The following CD164 variants were observed in gnomAD, a reference collection of about 807,000 sequenced individuals.
The protein encoded by CD164 is CD164 molecule.
Under a neutral mutation model 24.6 loss-of-function variants are expected in CD164, and 11 were observed. That is an observed-to-expected ratio of 0.45 (90% CI 0.28 to 0.74). The LOEUF (loss-of-function observed/expected upper bound fraction) is 0.74, where lower values mean the gene tolerates loss of function less well. Ranked by LOEUF, CD164 falls within the 30% of genes least tolerant of loss-of-function variation. The pLI is 0.13. For synonymous variants in CD164, 126 were observed against 100.3 expected (o/e 1.26, Z -1.53); for missense variants, 295 against 243.7 (o/e 1.21, Z -1.40).
At chr6:109,370,270 C>A in intron 5 of CD164, 141 bp downstream of exon 5, 1 of 663,896 alleles carries the variant, frequency 1.5e-6, no homozygotes, top group South Asian at 1.8e-5. Flanking sequence ...AAAGCACTAC[C>A]TTGATCCCCC....
Position 109,382,436 on chromosome 6 carries a change from C to A in CD164, c.-58G>T. ...TAAGGCTCGCAACGCTCAGTCAACC[C>A]CTCAATCCCCTGCGGCGCCGCCTCC... On this transcript the variant is annotated 5_prime_UTR_variant, in exon 1 of 6. Coordinates refer to ENST00000310786, the MANE Select transcript of CD164 (RefSeq NM_006016.6). 3 of 1,399,620 alleles carry A rather than the reference C, an allele frequency of 2.1e-6. No homozygotes were observed. Among genetic ancestry groups the A allele is most frequent in the Non-Finnish European group, 2.8e-6 (3 of 1,064,430 alleles). The allele number at this position is 1,399,620 out of a possible 1,614,324, so 86.7% of individuals were successfully genotyped here.
At position 109,376,065 on chromosome 6, in the gene CD164, T is replaced by C. The variant is rs1022575756; in HGVS notation, c.370+9A>G. 1.9e-6 allele frequency: 3 copies of C among 1,566,168 alleles called. No homozygotes were observed. Among genetic ancestry groups the C allele is most frequent in the Non-Finnish European group, 2.6e-6 (3 of 1,165,650 alleles). ...AAGGAAAAGGAAGAAAACAGTCATC[T>C]TGAATTACCTGTAGAATTGGCTGTT... On this transcript the variant is annotated intron_variant, in intron 4 of 5. Coordinates refer to ENST00000310786, the MANE Select transcript of CD164 (RefSeq NM_006016.6).
intron 3 of CD164, 69 bp from the exon 4 acceptor site, chr6:109,376,181 T>C (rs947907257): frequency 1.7e-5 from 19 of 1,107,788 alleles, no homozygotes; most frequent in Non-Finnish European, 2.4e-5. Context: ...TCTATAACGC[T>C]AGTTCCTGAC....
intron 2 of CD164, 38 bp downstream of exon 2, chr6:109,379,541 C>T: frequency 1.4e-6 from 2 of 1,384,426 alleles, no homozygotes; most frequent in Non-Finnish European, 2.0e-6. Flanking sequence ...TTTTAAAATG[C>T]TATAACAAAA....
At position 109,382,258 on chromosome 6, in the gene CD164, T is replaced by G; in HGVS notation, c.121A>C (p.Asn41His). 2 of 1,589,320 alleles carry G rather than the reference T, an allele frequency of 1.3e-6. No individual in the cohort carries two copies. Among genetic ancestry groups the G allele is most frequent in the Non-Finnish European group, 1.7e-6 (2 of 1,170,596 alleles). ...PNVTTLAPIS[N>H]VTSAPVTSLP... is the part of the protein sequence containing the mutation. Reference sequence around the variant, plus strand: ...GACGTCACCGGCGCCGAGGTTACGTTGGAGATGGGCGCTAAAGTCGTCACG... The same window carrying G: ...GACGTCACCGGCGCCGAGGTTACGTGGGAGATGGGCGCTAAAGTCGTCACG... The change falls in exon 1 of 6, where the codon AAC becomes CAC. Residue 41 changes from asparagine to histidine, a missense_variant. Transcript: ENST00000310786.
At chr6:109,378,029 TTGACTC>T in intron 2 of CD164, 58 bp from the exon 3 acceptor site, 2 of 1,362,782 alleles carry the variant, frequency 1.5e-6, no homozygotes, top group Non-Finnish European at 2.1e-6. Flanking sequence ...TGTATTATCT[TTGACTC>T]TGCTACTAAG....
Position 109,382,419 on chromosome 6 carries a change from G to C in CD164, c.-41C>G, listed in dbSNP as rs190842782. The C allele has an allele frequency of 1.5e-3, 2,154 of 1,467,738 alleles. 64 individuals are homozygous for C. In the East Asian group the frequency reaches 0.045, roughly 31 times the overall value. The allele number at this position is 1,467,738 out of a possible 1,614,324, so 90.9% of individuals were successfully genotyped here. A position where few individuals can be genotyped will look rare whatever the true frequency, so the allele number is the denominator to read the frequency against. ...GGCGTTCGGGAGAAAGCTAAGGCTCGCAACGCTCAGTCAACCCCTCAATCC... is the reference window on the plus strand; with the variant it reads ...GGCGTTCGGGAGAAAGCTAAGGCTCCCAACGCTCAGTCAACCCCTCAATCC... On this transcript the variant is annotated 5_prime_UTR_variant, in exon 1 of 6. Coordinates refer to ENST00000310786, the MANE Select transcript of CD164 (RefSeq NM_006016.6).
Position 109,374,339 on chromosome 6 carries a change from T to C in CD164, c.370+1735A>G, listed in dbSNP as rs558381455. 2.4e-3 allele frequency among the ~76,000 whole-genome samples: 371 copies of C among 152,258 alleles called. 2 individuals carry two copies. Among genetic ancestry groups the C allele is most frequent in the Non-Finnish European group, 4.2e-3 (284 of 68,012 alleles). ...CCCAAATGACAGGCCCAACCATCAA[T>C]AGACTGCTCTTCCTCTTTCTTGCTT... On this transcript the variant is annotated intron_variant, in intron 4 of 5. Coordinates refer to ENST00000310786, the MANE Select transcript of CD164 (RefSeq NM_006016.6).
intron 3 of CD164, among the ~76,000 whole-genome samples, chr6:109,377,645 A>T (rs1582485128): frequency 4.5e-5 from 2 of 44,692 alleles, no homozygotes; most frequent in East Asian, 6.4e-4. Flanking sequence ...AGAAAAGTTT[A>T]AAAAAAAAAA....
At position 109,379,681 on chromosome 6, in the gene CD164, A is replaced by T. The variant is rs761484272; in HGVS notation, c.176-19T>A. 4 of 1,575,578 alleles carry T rather than the reference A, an allele frequency of 2.5e-6. No homozygotes were observed. On this transcript the variant is annotated intron_variant, in intron 1 of 5. Coordinates refer to ENST00000310786, the MANE Select transcript of CD164 (RefSeq NM_006016.6). ...CAGGTTTCTGGGGAGTTGGGGGGAGAGATGCATGAAATCAATGATTTTATT... is the reference window on the plus strand; with the variant it reads ...CAGGTTTCTGGGGAGTTGGGGGGAGTGATGCATGAAATCAATGATTTTATT...
At chr6:109,375,924 T>C (rs539670580) in intron 4 of CD164, 150 bp downstream of exon 4, 9 of 613,844 alleles carry the variant, frequency 1.5e-5, no homozygotes, top group Non-Finnish European at 2.5e-5. Context: ...AAGGTAGAGA[T>C]TAACGTTAAT....
chr6:109,368,338 AAAC>A lies in CD164; in HGVS notation c.*510_*512del, dbSNP rs1770884824. 1.3e-6 allele frequency: 2 copies of A among 1,537,266 alleles called. No homozygotes were observed. Among genetic ancestry groups the A allele is most frequent in the African/African-American group, 2.8e-5 (2 of 72,484 alleles). On this transcript the variant is annotated 3_prime_UTR_variant, in exon 6 of 6. Coordinates refer to ENST00000310786, the MANE Select transcript of CD164 (RefSeq NM_006016.6). ...TGGCATCTTATTTCTAATGTAGAAA[AAAC>A]AGCTGTTATCAAGCACAAAATTTTA...
intron 1 of CD164, chr6:109,381,662 C>T (rs1771755493): frequency 2.9e-6 from 2 of 691,426 alleles, no homozygotes; most frequent in East Asian, 2.7e-5. Context: ...GTAATTAAAT[C>T]TCAAGCGACC....
At position 109,382,436 on chromosome 6, in the gene CD164, C is replaced by T; in HGVS notation, c.-58G>A. The T allele has an allele frequency of 5.7e-6, 8 of 1,399,620 alleles. No homozygotes were observed. Among genetic ancestry groups the T allele is most frequent in the Admixed American group, 5.1e-5 (2 of 38,994 alleles). 86.7% of individuals were successfully genotyped at this position (1,399,620 alleles called of 1,614,324 possible). On this transcript the variant is annotated 5_prime_UTR_variant, in exon 1 of 6. Coordinates refer to ENST00000310786, the MANE Select transcript of CD164 (RefSeq NM_006016.6). ...TAAGGCTCGCAACGCTCAGTCAACC[C>T]CTCAATCCCCTGCGGCGCCGCCTCC...
At chr6:109,381,878 A>C in intron 1 of CD164, 2 of 480,754 alleles carry the variant, frequency 4.2e-6, no homozygotes, top group Non-Finnish European at 7.4e-6. Flanking sequence ...CGCGGAAGGA[A>C]GCCACGTCCC....
chr6:109,370,423 C>G lies in CD164; in HGVS notation c.415G>C (p.Val139Leu), dbSNP rs772066452. The G allele has an allele frequency of 1.2e-6, 2 of 1,612,634 alleles. No homozygotes were observed. Among genetic ancestry groups the G allele is most frequent in the Non-Finnish European group, 1.7e-6 (2 of 1,178,874 alleles). ...QPSPSTTSKT[V>L]TTSGTTNNTV... ...AAGCCTCAATTACCTGATGTAGTAA[C>G]TGTCTTGGAAGTTGTAGAAGGGGAG... Residue 139 changes from valine to leucine, a missense_variant, in exon 5 of 6, where the codon GTT (valine) becomes CTT (leucine). Transcript: ENST00000310786.
At chr6:109,378,672 TCAC>T (rs1476733349) in intron 2 of CD164, among the ~76,000 whole-genome samples, 12 of 152,086 alleles carry the variant, frequency 7.9e-5, no homozygotes, top group Admixed American at 7.9e-4. Flanking sequence ...TCTCCAAAAT[TCAC>T]CAACTCTTAC....
chr6:109,370,153 T>C (rs956225634), intron 5 of CD164, among the ~76,000 whole-genome samples: 13 of 152,230 alleles, frequency 8.5e-5, no homozygotes, highest in Non-Finnish European at 1.8e-4. Flanking sequence ...TGTACTGAAA[T>C]GTTTGGAAAA....
chr6:109,373,899 G>C (rs1771248306), intron 4 of CD164, among the ~76,000 whole-genome samples: 1 of 152,128 alleles, frequency 6.6e-6, no homozygotes, highest in Admixed American at 6.5e-5. Flanking sequence ...ACATGGGCTG[G>C]GAAGAGCTAC....
Sources: gnomAD v4.1 joint callset for allele counts (sites outside exome capture counted in the v4.1 genomes callset) on GRCh38, gnomAD v4.1.1 for gene constraint, MANE v1.5 for transcripts, NCBI Gene and HGNC (gene_info 2026-07-23, HGNC 2026-07-21) for gene names.